Variants in DNAH12 observed in about 807,000 individuals in gnomAD.
The protein encoded by DNAH12 is dynein axonemal heavy chain 12.
Under a neutral mutation model 371.5 loss-of-function variants are expected in DNAH12, and 285 were observed. The observed-to-expected ratio is 0.77, with a 90% CI of 0.70 to 0.85. DNAH12 has a LOEUF of 0.85. Among genes scored for constraint, DNAH12 ranks in the 40% least tolerant of loss-of-function variants. The probability of loss-of-function intolerance (pLI) is 0.00; values close to 1 mark genes in which losing one functional copy is unlikely to be tolerated. For synonymous variants in DNAH12, 1,200 were observed against 1,213.0 expected (o/e 0.99, Z 0.22); for missense variants, 3,611 against 3,689.4 (o/e 0.98, Z 0.55).
chr3:57,342,484 C>CAAAAAAAAAAA (rs71088060), intron 60 of DNAH12, among the ~76,000 whole-genome samples: 269 of 65,652 alleles, frequency 4.1e-3, no homozygotes, highest in Non-Finnish European at 5.7e-3. Flanking sequence ...ACTAAAAATA[C>CAAAAAAAAAAA]AAAAAAAAAA....
intron 25 of DNAH12, among the ~76,000 whole-genome samples, chr3:57,449,707 T>A (rs539986602): frequency 6.6e-6 from 1 of 152,264 alleles, no homozygotes; most frequent in South Asian, 2.1e-4. Flanking sequence ...CACGCAGCCT[T>A]GGTTCCCGCT....
intron 66 of DNAH12, among the ~76,000 whole-genome samples, chr3:57,313,882 A>G (rs1331597748): frequency 1.3e-5 from 2 of 152,158 alleles, no homozygotes; most frequent in Non-Finnish European, 1.5e-5. Flanking sequence ...ACTAGAGTCT[A>G]TGTGGCAGCC....
At position 57,462,670 on chromosome 3, in the gene DNAH12, CA is replaced by C. The variant is rs2066089594; in HGVS notation, c.2535+19del. ...AACGAAGTCATCACATAAAGTATTT[CA>C]GTTGATCTTTATGTTTACCTTGCTT... is the stretch of plus-strand genomic sequence containing the variant. On this transcript the variant is annotated intron_variant, in intron 18 of 73. Coordinates refer to ENST00000495027, the MANE Select transcript of DNAH12 (RefSeq NM_001366028.2). The C allele has an allele frequency of 1.9e-6, 3 of 1,540,086 alleles. No individual in the cohort carries two copies. The highest frequency in any genetic ancestry group is 2.6e-6 in the Non-Finnish European group (3 of 1,142,050).
intron 60 of DNAH12, among the ~76,000 whole-genome samples, chr3:57,336,693 T>G (rs781942776): frequency 1.3e-5 from 2 of 152,184 alleles, no homozygotes; most frequent in Admixed American, 6.5e-5. Flanking sequence ...AAATCATTAA[T>G]ATTTAAGTGT....
chr3:57,331,202 G>C (rs1455358743), intron 62 of DNAH12, among the ~76,000 whole-genome samples: 1 of 152,142 alleles, frequency 6.6e-6, no homozygotes, highest in East Asian at 1.9e-4. Flanking sequence ...TGGTATATAA[G>C]CACAGGCTTC....
At chr3:57,535,636 G>A (rs1017561066) in intron 2 of DNAH12, among the ~76,000 whole-genome samples, 9 of 152,044 alleles carry the variant, frequency 5.9e-5, no homozygotes, top group East Asian at 1.9e-4. Context: ...TCCGCCTCCC[G>A]GGTTCAAGTG....
At chr3:57,303,015 T>C (rs2061394069) in intron 69 of DNAH12, among the ~76,000 whole-genome samples, 1 of 151,914 alleles carries the variant, frequency 6.6e-6, no homozygotes, top group South Asian at 2.1e-4. Context: ...TAATAACAGA[T>C]CTCTTTTCAT....
At chr3:57,367,279 T>TTCACTCCA (rs2063071626) in intron 56 of DNAH12, among the ~76,000 whole-genome samples, 1 of 152,130 alleles carries the variant, frequency 6.6e-6, no homozygotes, top group Admixed American at 6.6e-5. Flanking sequence ...GAGCTGAGAC[T>TTCACTCCA]GCACCACTAC....
intron 18 of DNAH12, 93 bp from the exon 19 acceptor site, chr3:57,461,782 T>C: frequency 2.0e-6 from 2 of 976,008 alleles, no homozygotes; most frequent in East Asian, 2.6e-5. Context: ...AAGAATTTGA[T>C]GTATTACATT....
In DNAH12 at chr3:57,445,370, G is replaced by A; in HGVS notation, c.4229C>T (p.Ala1410Val). 1.3e-6 allele frequency: 2 copies of A among 1,550,790 alleles called. No individual in the cohort carries two copies. The highest frequency in any genetic ancestry group is 1.7e-6 in the Non-Finnish European group (2 of 1,146,748). The change falls in exon 28 of 74, where the codon GCA (alanine) becomes GTA (valine). Residue 1410 changes from alanine (A) to valine (V), a missense_variant. Around this residue, in one of 3 missense-constraint regions of DNAH12, gnomAD observed 2,266 missense variants for 2,236.9 expected, o/e 1.01. Coordinates refer to ENST00000495027, the MANE Select transcript of DNAH12 (RefSeq NM_001366028.2). The part of the protein sequence containing the change: ...AMMVPNYALI[A>V]EISLYSYGFL... ...TCCGTAAGAGTAGAGGGAGATTTCT[G>A]CTATAAGCGCATAGTTTGGAACCAT...
intron 65 of DNAH12, 123 bp from the exon 66 acceptor site, chr3:57,314,754 T>G (rs2061651206): frequency 1.9e-6 from 2 of 1,039,580 alleles, no homozygotes; most frequent in East Asian, 5.5e-5. Context: ...TACAAACTTC[T>G]ATTTTAAAAA....
intron 29 of DNAH12, among the ~76,000 whole-genome samples, chr3:57,440,341 G>C (rs886124161): frequency 6.6e-6 from 1 of 152,160 alleles, no homozygotes; most frequent in Non-Finnish European, 1.5e-5. Context: ...ATACTATGCA[G>C]CCATAAAAAA....
chr3:57,404,718 T>C (rs781810405), intron 42 of DNAH12, among the ~76,000 whole-genome samples: 15 of 151,858 alleles, frequency 9.9e-5, no homozygotes, highest in Non-Finnish European at 2.1e-4. Context: ...AGACTCAGTC[T>C]CAAAAAAAAG....
chr3:57,494,010 A>G (rs1219857855), intron 11 of DNAH12, among the ~76,000 whole-genome samples: 1 of 152,170 alleles, frequency 6.6e-6, no homozygotes, highest in East Asian at 1.9e-4. Flanking sequence ...AGGCAGGAGG[A>G]TCACTTGCAT....
intron 65 of DNAH12, among the ~76,000 whole-genome samples, chr3:57,322,050 G>T (rs1459034267): frequency 2.0e-5 from 3 of 152,172 alleles, no homozygotes; most frequent in Non-Finnish European, 4.4e-5. Context: ...TGGGAAAATA[G>T]ATTTCTACTC....
In DNAH12 at chr3:57,408,437, C is replaced by T. The variant is rs949887032; in HGVS notation, c.6119G>A (p.Arg2040His). ...GCAGATGTTGAAATGTCGAATACAA[C>T]GGGGAGTAACTGGATTTCTTCCACC... ...PGGGRNPVTP[R>H]CIRHFNICSI... The change falls in exon 40 of 74, where the codon CGT becomes CAT. Residue 2040 changes from arginine (R) to histidine (H), a missense_variant. Arg to His is a conservative substitution (Grantham distance 29, BLOSUM62 0). Transcript: ENST00000495027. The T allele has an allele frequency of 1.9e-6, 3 of 1,551,480 alleles. No individual in the cohort carries two copies. Among genetic ancestry groups the T allele is most frequent in the African/African-American group, 1.4e-5 (1 of 73,124 alleles).
intron 34 of DNAH12, among the ~76,000 whole-genome samples, chr3:57,427,393 C>G (rs1253869523): frequency 1.3e-5 from 2 of 151,892 alleles, no homozygotes; most frequent in African/African-American, 4.8e-5. Flanking sequence ...AGTAGAAGGC[C>G]ATGTGAAGAT....
chr3:57,312,101 C>A (rs2061595250), intron 66 of DNAH12, among the ~76,000 whole-genome samples: 1 of 151,902 alleles, frequency 6.6e-6, no homozygotes, highest in Non-Finnish European at 1.5e-5. Flanking sequence ...GCTTTTCCTG[C>A]CCCTGAAGTT....
intron 11 of DNAH12, among the ~76,000 whole-genome samples, chr3:57,500,110 C>T (rs921605290): frequency 5.9e-5 from 9 of 151,446 alleles, no homozygotes; most frequent in African/African-American, 2.2e-4. Context: ...GCATGAGCTC[C>T]GCTCACTGCA....
Sources: gnomAD v4.1 joint callset for allele counts (sites outside exome capture counted in the v4.1 genomes callset) on GRCh38, gnomAD v4.1.1 for gene constraint, gnomAD v4.1.1 regional missense constraint, MANE v1.5 for transcripts, NCBI Gene and HGNC (gene_info 2026-07-23, HGNC 2026-07-21) for gene names.